CDKAL1: variants seen among roughly 807,000 people sequenced by gnomAD.
CDKAL1 encodes CDKAL1 threonylcarbamoyladenosine tRNA methylthiotransferase, also known as threonylcarbamoyladenosine tRNA methylthiotransferase.
A neutral mutation model predicts 68.2 loss-of-function variants in CDKAL1; 32 were observed. The observed-to-expected ratio is 0.47, with a 90% CI of 0.35 to 0.63. The LOEUF is 0.63. Ranked by LOEUF, CDKAL1 falls within the 30% of genes least tolerant of loss-of-function variation. The pLI is 0.00. For missense variants in CDKAL1, 606 were observed against 696.7 expected, an observed-to-expected ratio of 0.87 and a Z score of 1.47; for synonymous variants, 234 against 244.3, an observed-to-expected ratio of 0.96 and a Z score of 0.39.
chr6:20,863,926 A>C (rs892564061), intron 9 of CDKAL1, among the ~76,000 whole-genome samples: 6 of 152,194 alleles, frequency 3.9e-5, no homozygotes, highest in African/African-American at 1.4e-4. Flanking sequence ...GACTTGAAAT[A>C]ACTTATATGC....
At chr6:20,944,082 A>G (rs1283329199) in intron 9 of CDKAL1, among the ~76,000 whole-genome samples, 2 of 151,794 alleles carry the variant, frequency 1.3e-5, no homozygotes, top group Non-Finnish European at 2.9e-5. Context: ...CCAAACTCCA[A>G]CCTCTGTCTC....
intron 11 of CDKAL1, among the ~76,000 whole-genome samples, chr6:21,011,081 CAAA>C (rs144955142): frequency 1.6e-4 from 7 of 44,574 alleles, no homozygotes; most frequent in Admixed American, 5.4e-4. Context: ...GTCTCCATCT[CAAA>C]AAAAAAAAAA....
intron 7 of CDKAL1, among the ~76,000 whole-genome samples, chr6:20,779,329 GTATGTGAATGTTCACAGAAGCATTTT>G (rs1243757654): frequency 6.6e-6 from 1 of 152,204 alleles, no homozygotes; most frequent in Non-Finnish European, 1.5e-5. Context: ...ACAAAAACTT[GTATGTGAATGTTCACAGAAGCATTTT>G]TATGGTAGCT....
intron 9 of CDKAL1, among the ~76,000 whole-genome samples, chr6:20,851,064 C>T (rs1484463187): frequency 1.3e-5 from 2 of 150,908 alleles, no homozygotes; most frequent in African/African-American, 4.9e-5. Context: ...ACTATCTTTA[C>T]CTTCTCAGTG....
At chr6:21,176,283 A>C (rs1777568505) in intron 13 of CDKAL1, among the ~76,000 whole-genome samples, 1 of 152,272 alleles carries the variant, frequency 6.6e-6, no homozygotes, top group South Asian at 2.1e-4. Context: ...GTTCTAAAAG[A>C]AAACATTTTT....
chr6:20,940,384 A>G (rs1344521238), intron 9 of CDKAL1, among the ~76,000 whole-genome samples: 2 of 152,186 alleles, frequency 1.3e-5, no homozygotes, highest in African/African-American at 4.8e-5. Flanking sequence ...CATTGTAGGC[A>G]GTTCTATACC....
intron 9 of CDKAL1, among the ~76,000 whole-genome samples, chr6:20,902,112 G>A (rs973597551): frequency 1.3e-5 from 2 of 152,162 alleles, no homozygotes; most frequent in Admixed American, 6.5e-5. Context: ...GATTATTACT[G>A]TCTTTGTAAA....
intron 13 of CDKAL1, among the ~76,000 whole-genome samples, chr6:21,191,394 G>T (rs1257100899): frequency 2.0e-5 from 3 of 152,160 alleles, no homozygotes; most frequent in African/African-American, 7.2e-5. Context: ...TGACACAAAT[G>T]ACACAGCTAG....
intron 9 of CDKAL1, among the ~76,000 whole-genome samples, chr6:20,918,952 C>T (rs1275028762): frequency 2.0e-5 from 3 of 152,206 alleles, no homozygotes; most frequent in Non-Finnish European, 4.4e-5. Context: ...TGGAATTCCT[C>T]ACTTCTTCAG....
chr6:21,025,317 A>G (rs1253816034), intron 11 of CDKAL1, among the ~76,000 whole-genome samples: 4 of 152,186 alleles, frequency 2.6e-5, no homozygotes, highest in Non-Finnish European at 5.9e-5. Flanking sequence ...CTTATTAAAC[A>G]TACCCCTCTC....
intron 4 of CDKAL1, among the ~76,000 whole-genome samples, chr6:20,598,144 C>T (rs1286124292): frequency 2.6e-5 from 4 of 152,114 alleles, no homozygotes; most frequent in Non-Finnish European, 4.4e-5. Flanking sequence ...ATAGTGATGG[C>T]ATGGGAGCCA....
intron 5 of CDKAL1, among the ~76,000 whole-genome samples, chr6:20,661,115 T>C (rs1769265118): frequency 6.6e-6 from 1 of 152,194 alleles, no homozygotes; most frequent in African/African-American, 2.4e-5. Flanking sequence ...GTCTCTAGAA[T>C]AGTGCCTGAT....
At chr6:21,158,329 A>G (rs1776745297) in intron 13 of CDKAL1, among the ~76,000 whole-genome samples, 1 of 152,236 alleles carries the variant, frequency 6.6e-6, no homozygotes, top group Non-Finnish European at 1.5e-5. Flanking sequence ...GCATCAAATT[A>G]TCTTGCTCAA....
chr6:20,766,688 A>G (rs1190698296), intron 7 of CDKAL1, among the ~76,000 whole-genome samples: 2 of 152,210 alleles, frequency 1.3e-5, no homozygotes, highest in East Asian at 1.9e-4. Context: ...ACATGAGCAA[A>G]TATATGTTTG....
chr6:21,092,047 T>C (rs1476085925), intron 12 of CDKAL1, among the ~76,000 whole-genome samples: 56 of 151,536 alleles, frequency 3.7e-4, no homozygotes, highest in Non-Finnish European at 6.3e-4. Flanking sequence ...CCACTACGCC[T>C]GGCTCATTTT....
chr6:20,613,879 A>G (rs559971085), intron 4 of CDKAL1, among the ~76,000 whole-genome samples: 1 of 152,228 alleles, frequency 6.6e-6, no homozygotes, highest in Admixed American at 6.5e-5. Flanking sequence ...GATAGATATT[A>G]CCTAATTGCC....
chr6:21,102,337 C>T (rs1773620049), intron 12 of CDKAL1, among the ~76,000 whole-genome samples: 1 of 152,146 alleles, frequency 6.6e-6, no homozygotes, highest in Non-Finnish European at 1.5e-5. Context: ...GTTGCCTACA[C>T]CCTCATTTTG....
intron 13 of CDKAL1, among the ~76,000 whole-genome samples, chr6:21,162,794 G>T (rs966911814): frequency 1.3e-5 from 2 of 151,900 alleles, no homozygotes; most frequent in Non-Finnish European, 2.9e-5. Flanking sequence ...TGGGTGTGGT[G>T]GCATGTGTCT....
At chr6:21,095,783 T>C (rs1773285369) in intron 12 of CDKAL1, among the ~76,000 whole-genome samples, 1 of 152,160 alleles carries the variant, frequency 6.6e-6, no homozygotes, top group Non-Finnish European at 1.5e-5. Context: ...GTATATTAAA[T>C]TGCTTTCTGG....
Sources: gnomAD v4.1 joint callset for allele counts (sites outside exome capture counted in the v4.1 genomes callset) on GRCh38, gnomAD v4.1.1 for gene constraint, MANE v1.5 for transcripts, NCBI Gene and HGNC (gene_info 2026-07-23, HGNC 2026-07-21) for gene names.